USP12: variants seen among roughly 807,000 people sequenced by gnomAD.
USP12 encodes the protein ubiquitin carboxyl-terminal hydrolase 12.
In USP12, 19 loss-of-function variants were observed where a neutral mutation model predicts 45.5. The ratio of observed to expected loss-of-function variants is 0.42; its 90% CI spans 0.29 to 0.61. The LOEUF (loss-of-function observed/expected upper bound fraction) is 0.61. USP12 is among the 20% of genes least tolerant of loss of function. USP12 has a pLI of 0.22. For missense variants in USP12, 242 were observed against 447.7 expected (o/e 0.54, Z 4.15); for synonymous variants, 149 against 148.8 (o/e 1.00, Z -0.01).
chr13:27,142,255 A>C (rs534652672), intron 1 of USP12, among the ~76,000 whole-genome samples: 1 of 152,292 alleles, frequency 6.6e-6, no homozygotes, highest in East Asian at 1.9e-4. Flanking sequence ...CCAAACCCAA[A>C]CTGAGGAACG....
chr13:27,117,000 C>T (rs1360542160), intron 1 of USP12, among the ~76,000 whole-genome samples: 1 of 152,050 alleles, frequency 6.6e-6, no homozygotes, highest in Admixed American at 6.6e-5. Context: ...TACACATGAT[C>T]GTATTTTCAT....
chr13:27,125,622 C>A (rs939284483), intron 1 of USP12, among the ~76,000 whole-genome samples: 1 of 152,210 alleles, frequency 6.6e-6, no homozygotes, highest in African/African-American at 2.4e-5. Flanking sequence ...TGGGTACAGT[C>A]CACGGAGGGT....
At chr13:27,081,941 G>T (rs1179884800) in intron 6 of USP12, among the ~76,000 whole-genome samples, 1 of 152,170 alleles carries the variant, frequency 6.6e-6, no homozygotes, top group Non-Finnish European at 1.5e-5. Context: ...CTATAAACAG[G>T]TGTGCTGTCA....
intron 1 of USP12, among the ~76,000 whole-genome samples, chr13:27,130,888 GCAA>G (rs1206674072): frequency 2.0e-5 from 3 of 152,146 alleles, no homozygotes; most frequent in African/African-American, 4.8e-5. Context: ...ATTCTTGAAG[GCAA>G]CAACATTTAA....
intron 1 of USP12, among the ~76,000 whole-genome samples, chr13:27,126,533 C>T (rs1016177677): frequency 2.0e-5 from 3 of 152,140 alleles, no homozygotes; most frequent in African/African-American, 7.2e-5. Context: ...AAAGAGTAGG[C>T]ATTTAAACGT....
At chr13:27,136,296 G>C (rs539034856) in intron 1 of USP12, among the ~76,000 whole-genome samples, 1 of 152,112 alleles carries the variant, frequency 6.6e-6, no homozygotes, top group African/African-American at 2.4e-5. Flanking sequence ...TCAGGAATTC[G>C]AGACCAGCCT....
In USP12 at chr13:27,081,177, AGCATGTGAT is replaced by A. The variant is rs551240748; in HGVS notation, c.735-5798_735-5790del. On this transcript the variant is annotated intron_variant, in intron 6 of 8. Coordinates refer to ENST00000282344, the MANE Select transcript of USP12 (RefSeq NM_182488.4). Reference sequence around the variant, plus strand: ...CTTTTCCTTTCACAGATTTCTCTGTAGCATGTGATGCTGTTTGACAGCATTTTATCCACA... The same window carrying A: ...CTTTTCCTTTCACAGATTTCTCTGTAGCTGTTTGACAGCATTTTATCCACA... 1.6e-4 allele frequency among the ~76,000 whole-genome samples: 24 copies of A among 152,350 alleles called. No homozygotes were observed. In the East Asian group the frequency reaches 4.0e-3, roughly 26 times the overall value.
At chr13:27,169,836 G>A (rs980943765) in intron 1 of USP12, among the ~76,000 whole-genome samples, 1 of 152,066 alleles carries the variant, frequency 6.6e-6, no homozygotes. Flanking sequence ...TGCATCCCCA[G>A]TACTCAGCGT....
At chr13:27,111,403 A>C (rs936360546) in intron 2 of USP12, among the ~76,000 whole-genome samples, 1 of 152,216 alleles carries the variant, frequency 6.6e-6, no homozygotes, top group African/African-American at 2.4e-5. Flanking sequence ...AAAACAAAAA[A>C]ACATTGCTTT....
intron 1 of USP12, among the ~76,000 whole-genome samples, chr13:27,171,183 C>G (rs1209519604): frequency 6.6e-6 from 1 of 151,060 alleles, no homozygotes; most frequent in Admixed American, 6.6e-5. Context: ...GACCCCGGCC[C>G]GGGGCCGCGC....
intron 1 of USP12, among the ~76,000 whole-genome samples, chr13:27,139,565 G>A (rs375433385): frequency 3.6e-4 from 55 of 152,226 alleles, no homozygotes; most frequent in African/African-American, 1.2e-3. Context: ...GCAGTGAGCC[G>A]AGATCGCGCC....
At chr13:27,114,881 G>A (rs762962019) in intron 2 of USP12, among the ~76,000 whole-genome samples, 8 of 152,008 alleles carry the variant, frequency 5.3e-5, no homozygotes, top group East Asian at 3.8e-4. Flanking sequence ...CCAGCTACTC[G>A]GGAGGCTAAG....
chr13:27,111,867 G>A (rs1046750859), intron 2 of USP12, among the ~76,000 whole-genome samples: 2 of 152,182 alleles, frequency 1.3e-5, no homozygotes, highest in African/African-American at 4.8e-5. Flanking sequence ...TTGATAGTCT[G>A]TGATGTTCAG....
chr13:27,168,090 G>A (rs1253608478), intron 1 of USP12, among the ~76,000 whole-genome samples: 1 of 152,188 alleles, frequency 6.6e-6, no homozygotes, highest in Non-Finnish European at 1.5e-5. Context: ...GGCTTTCTCA[G>A]AAGAAAAGCC....
chr13:27,076,478 A>T (rs1010892861), intron 6 of USP12, among the ~76,000 whole-genome samples: 3 of 152,188 alleles, frequency 2.0e-5, no homozygotes, highest in African/African-American at 7.2e-5. Context: ...TCAATCCTCC[A>T]TCAGCACCTT....
At chr13:27,144,332 A>G (rs1036437843) in intron 1 of USP12, among the ~76,000 whole-genome samples, 1 of 152,088 alleles carries the variant, frequency 6.6e-6, no homozygotes, top group African/African-American at 2.4e-5. Flanking sequence ...CTACCTCTAC[A>G]GAAAAATAAA....
chr13:27,066,574 C>T lies in USP12; in HGVS notation c.*2709G>A, dbSNP rs1441759059. The T allele has an allele frequency of 1.3e-5, 2 of 152,178 alleles. No homozygotes were observed. Among genetic ancestry groups the T allele is most frequent in the Admixed American group, 6.5e-5 (1 of 15,276 alleles). 9.4% of individuals were successfully genotyped at this position (152,178 alleles called of 1,614,324 possible). Reference sequence around the variant, plus strand: ...ACAACATTTCCCTCTTTCCCTGTTCCCAAGCCTCCTGGTTCCTGTCTTAAA... The same window carrying T: ...ACAACATTTCCCTCTTTCCCTGTTCTCAAGCCTCCTGGTTCCTGTCTTAAA... On this transcript the variant is annotated 3_prime_UTR_variant, in exon 9 of 9. Transcript: ENST00000282344.
intron 2 of USP12, among the ~76,000 whole-genome samples, chr13:27,110,803 C>A (rs188843089): frequency 6.6e-6 from 1 of 152,022 alleles, no homozygotes; most frequent in South Asian, 2.1e-4. Flanking sequence ...ATCAAGCTAA[C>A]GACCAACAAA....
chr13:27,168,855 C>T lies in USP12; in HGVS notation c.48+2737G>A, dbSNP rs74683580. The stretch of plus-strand genomic sequence containing the variant: ...AAGGTATTGCAGATTTGCCCAGGTA[C>T]GTTATTTTGACAAATGAAAAAATTA... On this transcript the variant is annotated intron_variant, in intron 1 of 8. Transcript: ENST00000282344. The T allele has an allele frequency of 6.4e-4, 97 of 152,242 alleles. 1 individual carries two copies. The highest frequency in any genetic ancestry group is 2.2e-3 in the African/African-American group (93 of 41,536). The allele number at this position is 152,242 out of a possible 1,614,324, so 9.4% of individuals were successfully genotyped here. A position where few individuals can be genotyped will look rare whatever the true frequency, so the allele number is the denominator to read the frequency against.
Sources: gnomAD v4.1 joint callset for allele counts (sites outside exome capture counted in the v4.1 genomes callset) on GRCh38, gnomAD v4.1.1 for gene constraint, MANE v1.5 for transcripts, NCBI Gene and HGNC (gene_info 2026-07-23, HGNC 2026-07-21) for gene names.